The following RAD54L2 variants were observed in gnomAD, a reference collection of about 807,000 sequenced individuals.
The protein encoded by RAD54L2 is RAD54 like 2, also known as helicase ARIP4.
Under a neutral mutation model 138.4 loss-of-function variants are expected in RAD54L2, and 27 were observed. That is an observed-to-expected ratio of 0.20 (90% CI 0.14 to 0.27). The LOEUF (loss-of-function observed/expected upper bound fraction) is 0.27. Ranked by LOEUF, RAD54L2 falls within the 10% of genes least tolerant of loss-of-function variation. The pLI is 1.00. For synonymous variants in RAD54L2, 644 were observed against 723.2 expected (o/e 0.89, Z 1.76); for missense variants, 1,396 against 1,890.2 (o/e 0.74, Z 4.85).
At chr3:51,612,971 G>A (rs967434497) in intron 3 of RAD54L2, among the ~76,000 whole-genome samples, 6 of 152,042 alleles carry the variant, frequency 3.9e-5, no homozygotes, top group East Asian at 1.9e-4. Context: ...GACGAGTCTC[G>A]CTCTGTTGCC....
At position 51,639,467 on chromosome 3, in the gene RAD54L2, T is replaced by G; in HGVS notation, c.1909T>G (p.Leu637Val). The G allele has an allele frequency of 3.7e-6, 6 of 1,613,982 alleles. No individual in the cohort carries two copies. The highest frequency in any genetic ancestry group is 5.1e-6 in the Non-Finnish European group (6 of 1,179,892). ...VLYEALQKES[L>V]ANEQDLDVEE... ...GTATGAAGCCCTTCAGAAGGAGAGC[T>G]TGGCCAATGAGCAGGACCTAGACGT... Residue 637 changes from leucine (L) to valine (V), a missense_variant, in exon 13 of 23, where the codon TTG becomes GTG. This residue lies in a region of RAD54L2 where 211 missense variants were observed against 273.8 expected (regional missense o/e 0.77). Transcript: ENST00000684192.
chr3:51,627,467 T>G, intron 3 of RAD54L2, 86 bp from the exon 4 acceptor site: 1 of 1,297,526 alleles, frequency 7.7e-7, no homozygotes, highest in Non-Finnish European at 1.1e-6. Context: ...AGTTGCTGAG[T>G]TGAGATTTGA....
At chr3:51,594,060 CTTTTTCTTTTTTT>C (rs1325093235) in intron 3 of RAD54L2, among the ~76,000 whole-genome samples, 2 of 131,402 alleles carry the variant, frequency 1.5e-5, no homozygotes, top group South Asian at 2.5e-4. Flanking sequence ...TTTCTTTTTT[CTTTTTCTTTTTTT>C]TTTTTTTTTT....
chr3:51,567,476 ATAAT>A (rs1699243432), intron 2 of RAD54L2, among the ~76,000 whole-genome samples: 1 of 152,118 alleles, frequency 6.6e-6, no homozygotes, highest in Non-Finnish European at 1.5e-5. Context: ...TTTGCAGATA[ATAAT>A]TTTACAGGCT....
intron 3 of RAD54L2, among the ~76,000 whole-genome samples, chr3:51,623,681 T>C (rs1700615302): frequency 6.6e-6 from 1 of 152,072 alleles, no homozygotes; most frequent in Admixed American, 6.5e-5. Flanking sequence ...ATATTTAGAA[T>C]TAGGGGAGCA....
intron 5 of RAD54L2, 80 bp from the exon 6 acceptor site, chr3:51,630,192 G>A: frequency 1.9e-6 from 2 of 1,077,888 alleles, no homozygotes; most frequent in Non-Finnish European, 2.9e-6. Context: ...TAAAAGAAAA[G>A]GGGTGGTGAA....
At chr3:51,583,056 T>TGC (rs2106693305) in intron 2 of RAD54L2, among the ~76,000 whole-genome samples, 1 of 152,220 alleles carries the variant, frequency 6.6e-6, no homozygotes, top group Admixed American at 6.5e-5. Flanking sequence ...TGAGCCACCA[T>TGC]GCCCGGCCAA....
chr3:51,578,443 C>T (rs2106682446), intron 2 of RAD54L2, among the ~76,000 whole-genome samples: 1 of 152,220 alleles, frequency 6.6e-6, no homozygotes, highest in African/African-American at 2.4e-5. Context: ...GTATGTTGGC[C>T]AAGGGAGAGG....
intron 3 of RAD54L2, chr3:51,611,317 T>C (rs1354638484): frequency 6.6e-6 from 1 of 151,966 alleles, no homozygotes; most frequent in Non-Finnish European, 1.5e-5. Context: ...TTATGGAGTA[T>C]ATGAGATGTT....
At chr3:51,566,467 T>TG (rs1699220581) in intron 2 of RAD54L2, among the ~76,000 whole-genome samples, 4 of 102,896 alleles carry the variant, frequency 3.9e-5, no homozygotes, top group Admixed American at 1.0e-4. Flanking sequence ...CTTTTCTGCG[T>TG]TTTTTTTTTT....
chr3:51,621,078 T>C (rs1371250893), intron 3 of RAD54L2, among the ~76,000 whole-genome samples: 1 of 152,144 alleles, frequency 6.6e-6, no homozygotes, highest in Non-Finnish European at 1.5e-5. Context: ...TATAGAATTT[T>C]TGAAATAACA....
intron 7 of RAD54L2, among the ~76,000 whole-genome samples, chr3:51,632,816 G>A (rs1361996052): frequency 1.4e-5 from 2 of 147,508 alleles, no homozygotes; most frequent in Non-Finnish European, 3.0e-5. Context: ...CACTTGAACC[G>A]GGGAAATGGG....
chr3:51,614,646 G>A (rs760282568), intron 3 of RAD54L2, among the ~76,000 whole-genome samples: 1 of 151,878 alleles, frequency 6.6e-6, no homozygotes, highest in Non-Finnish European at 1.5e-5. Flanking sequence ...TCTAGTAGCT[G>A]GAAATATAGG....
At chr3:51,584,972 A>AT (rs1041286359) in intron 2 of RAD54L2, among the ~76,000 whole-genome samples, 39 of 147,500 alleles carry the variant, frequency 2.6e-4, no homozygotes, top group South Asian at 4.3e-4. Context: ...TGCCTGGCTA[A>AT]TTTTTTTTTT....
At chr3:51,633,877 C>G (rs759968069) in intron 8 of RAD54L2, 25 bp from the exon 9 acceptor site, 6 of 1,608,764 alleles carry the variant, frequency 3.7e-6, no homozygotes, top group Non-Finnish European at 5.1e-6. Context: ...ATAAAACTCT[C>G]TTTTTGGACT....
chr3:51,590,685 G>T (rs1316333362), intron 3 of RAD54L2, 126 bp downstream of exon 3: 69 of 1,262,172 alleles, frequency 5.5e-5, no homozygotes, highest in Middle Eastern at 1.9e-4. Context: ...TACAGACTAG[G>T]AACTGAGATG....
At chr3:51,597,776 C>T (rs927857901) in intron 3 of RAD54L2, among the ~76,000 whole-genome samples, 7 of 151,930 alleles carry the variant, frequency 4.6e-5, no homozygotes, top group Admixed American at 3.3e-4. Flanking sequence ...TGCAGCGAGC[C>T]GAGATCGTGC....
chr3:51,609,836 A>C (rs1700289218), intron 3 of RAD54L2, among the ~76,000 whole-genome samples: 1 of 151,954 alleles, frequency 6.6e-6, no homozygotes, highest in Non-Finnish European at 1.5e-5. Context: ...TCCTTCTTAA[A>C]AGGGACAGTA....
chr3:51,639,110 C>T, intron 12 of RAD54L2: 1 of 362,566 alleles, frequency 2.8e-6, no homozygotes, highest in Non-Finnish European at 5.1e-6. Flanking sequence ...GAAACTGGAA[C>T]ATTCTTACTC....
Sources: gnomAD v4.1 joint callset for allele counts (sites outside exome capture counted in the v4.1 genomes callset) on GRCh38, gnomAD v4.1.1 for gene constraint, gnomAD v4.1.1 regional missense constraint, MANE v1.5 for transcripts, NCBI Gene and HGNC (gene_info 2026-07-23, HGNC 2026-07-21) for gene names.